MDH1: variants seen among roughly 807,000 people sequenced by gnomAD.
MDH1 encodes malate dehydrogenase 1.
MDH1 carries 15 observed loss-of-function variants against 38.7 expected under a neutral mutation model. The observed-to-expected ratio is 0.39, with a 90% CI of 0.26 to 0.60. The LOEUF (loss-of-function observed/expected upper bound fraction) is 0.60. MDH1 is among the 20% of genes least tolerant of loss of function. The probability of loss-of-function intolerance (pLI) is 0.56; values close to 1 mark genes in which losing one functional copy is unlikely to be tolerated. For synonymous variants in MDH1, 144 were observed against 143.6 expected (o/e 1.00, Z -0.02); for missense variants, 368 against 405.2 (o/e 0.91, Z 0.79).
Position 63,606,020 on chromosome 2 carries a change from G to A in MDH1, c.871G>A (p.Val291Ile). 6.2e-7 allele frequency: 1 copy of A among 1,613,518 alleles called. No individual in the cohort carries two copies. Among genetic ancestry groups the A allele is most frequent in the East Asian group, 2.2e-5 (1 of 44,878 alleles). The stretch of plus-strand genomic sequence containing the variant: ...TGATCTGCTCTACTCATTCCCTGTT[G>A]TAATCAAGGTAAGGTATTTTGGAGC... ...PDDLLYSFPV[V>I]IKNKTWKFVE... The change falls in exon 8 of 9, where the codon GTA becomes ATA. Residue 291 changes from valine to isoleucine, a missense_variant. By Grantham distance (29) the Val-to-Ile change is conservative (BLOSUM62 3). Coordinates refer to ENST00000233114, the MANE Select transcript of MDH1 (RefSeq NM_005917.4).
At chr2:63,599,391 T>G in intron 5 of MDH1, 99 bp downstream of exon 5, 1 of 1,290,796 alleles carries the variant, frequency 7.7e-7, no homozygotes, top group South Asian at 1.6e-5. Context: ...TTTTTTCTTG[T>G]TTTTGTTTAG....
intron 4 of MDH1, among the ~76,000 whole-genome samples, chr2:63,598,490 G>C (rs1709359560): frequency 6.6e-6 from 1 of 152,028 alleles, no homozygotes; most frequent in Non-Finnish European, 1.5e-5. Flanking sequence ...CAGCAAATAG[G>C]CTTGCCGGTT....
intron 5 of MDH1, 38 bp downstream of exon 5, chr2:63,599,330 C>G (rs373838241): frequency 6.3e-7 from 1 of 1,580,784 alleles, no homozygotes; most frequent in Non-Finnish European, 8.6e-7. Context: ...GGTTGTTCAA[C>G]TTTAAAACAT....
chr2:63,599,330 C>T (rs373838241), intron 5 of MDH1, 38 bp downstream of exon 5: 1 of 1,580,784 alleles, frequency 6.3e-7, no homozygotes, highest in Non-Finnish European at 8.6e-7. Context: ...GGTTGTTCAA[C>T]TTTAAAACAT....
At chr2:63,605,192 C>T (rs1027072930) in intron 6 of MDH1, 88 bp from the exon 7 acceptor site, 5 of 864,296 alleles carry the variant, frequency 5.8e-6, no homozygotes, top group Non-Finnish European at 9.4e-6. Flanking sequence ...CTGGTCATAG[C>T]TTTTCACCCC....
At chr2:63,606,134 C>T in intron 8 of MDH1, 106 bp downstream of exon 8, 1 of 1,109,782 alleles carries the variant, frequency 9.0e-7, no homozygotes. Context: ...ATAATCCCAA[C>T]ACTTTGGAAG....
intron 5 of MDH1, among the ~76,000 whole-genome samples, chr2:63,603,339 CAA>C (rs1709464780): frequency 6.6e-6 from 1 of 152,282 alleles, no homozygotes; most frequent in African/African-American, 2.4e-5. Flanking sequence ...CTTAAAATAT[CAA>C]AGTGTATTCC....
intron 1 of MDH1, chr2:63,593,433 C>T: frequency 5.1e-6 from 2 of 388,782 alleles, no homozygotes; most frequent in East Asian, 7.3e-5. Flanking sequence ...TCTTTGACTT[C>T]TATGAGTGAG....
chr2:63,594,597 G>A lies in MDH1; in HGVS notation c.102+11G>A, dbSNP rs376853222. ...TTTGGTAAAGATCAGGTAGGAACAG[G>A]TGTCTATAAATCTTAAGTTATTAGA... On this transcript the variant is annotated intron_variant, in intron 2 of 8. Coordinates refer to ENST00000233114, the MANE Select transcript of MDH1 (RefSeq NM_005917.4). 1,897 of 1,570,460 alleles carry A rather than the reference G, an allele frequency of 1.2e-3. 3 individuals are homozygous for A. Among genetic ancestry groups the A allele is most frequent in the Non-Finnish European group, 1.5e-3 (1,744 of 1,142,158 alleles).
At chr2:63,599,073 C>A in intron 4 of MDH1, 97 bp from the exon 5 acceptor site, 1 of 1,278,038 alleles carries the variant, frequency 7.8e-7, no homozygotes, top group Non-Finnish European at 1.1e-6. Context: ...CTCCCCTGTA[C>A]AAAGGCTACC....
Position 63,597,479 on chromosome 2 carries a change from GA to G in MDH1, c.282del (p.Gly95AlafsTer8). The G allele has an allele frequency of 6.6e-7, 1 of 1,520,276 alleles. No individual in the cohort carries two copies. The highest frequency in any genetic ancestry group is 8.9e-7 in the Non-Finnish European group (1 of 1,127,130). 94.2% of individuals were successfully genotyped at this position (1,520,276 alleles called of 1,614,324 possible). ...AILVGSMPRREGMERKDLLKA... is the reference protein window; with the variant it reads ...AILVGSMPRRXGMERKDLLKA... Reference sequence around the variant, plus strand: ...TCTTGTGGGCTCCATGCCAAGAAGGGAAGGCATGGAGAGAAAAGATTTACTG... The same window carrying G: ...TCTTGTGGGCTCCATGCCAAGAAGGGAGGCATGGAGAGAAAAGATTTACTG... On this transcript the variant is annotated frameshift_variant, in exon 4 of 9. Coordinates refer to ENST00000233114, the MANE Select transcript of MDH1 (RefSeq NM_005917.4). LOFTEE classifies it high-confidence loss of function.
chr2:63,598,963 T>G (rs911320440), intron 4 of MDH1, among the ~76,000 whole-genome samples: 2 of 151,564 alleles, frequency 1.3e-5, no homozygotes, highest in African/African-American at 2.4e-5. Flanking sequence ...TTTCTATAAA[T>G]CTGATATTAT....
In MDH1 at chr2:63,604,826, A is replaced by T; in HGVS notation, c.629A>T (p.Tyr210Phe). ...VKLQGKEVGV[Y>F]EALKDDSWLK... is the part of the protein sequence containing the mutation. ...TTGCAAGGAAAGGAAGTTGGTGTTT[A>T]TGAAGCTCTGAAAGATGACAGCTGG... The change falls in exon 6 of 9, where the codon TAT becomes TTT. Residue 210 changes from tyrosine to phenylalanine, a missense_variant. Coordinates refer to ENST00000233114, the MANE Select transcript of MDH1 (RefSeq NM_005917.4). 1 of 1,614,246 alleles carries T rather than the reference A, an allele frequency of 6.2e-7. No individual in the cohort carries two copies. The highest frequency in any genetic ancestry group is 8.5e-7 in the Non-Finnish European group (1 of 1,180,046).
chr2:63,599,354 T>G (rs1338486021), intron 5 of MDH1, 62 bp downstream of exon 5: 25 of 1,521,668 alleles, frequency 1.6e-5, no homozygotes, highest in Non-Finnish European at 2.2e-5. Context: ...TCTCTCACTT[T>G]TAAAATAACT....
chr2:63,589,190 G>T, intron 1 of MDH1, 144 bp downstream of exon 1: 1 of 1,600,856 alleles, frequency 6.2e-7, no homozygotes, highest in Admixed American at 1.7e-5. Flanking sequence ...ATCTTCTGGG[G>T]ATTGCCGCAG....
chr2:63,592,084 G>A lies in MDH1; in HGVS notation c.4-2404G>A, dbSNP rs569995975. On this transcript the variant is annotated intron_variant, in intron 1 of 8. Transcript: ENST00000233114. ...CTCTAGCCCCCTGTTTTAGAAAATT[G>A]GTGTATCCTTTTTGTTTCCTTCACG... Among the ~76,000 whole-genome samples, 17 of 152,158 alleles carry A rather than the reference G, an allele frequency of 1.1e-4. No individual in the cohort carries two copies. In the East Asian group the frequency reaches 3.3e-3, roughly 29 times the overall value.
At chr2:63,598,896 C>CAA (rs1333463606) in intron 4 of MDH1, among the ~76,000 whole-genome samples, 60 of 72,240 alleles carry the variant, frequency 8.3e-4, no homozygotes, top group African/African-American at 2.7e-3. Flanking sequence ...AAAGAGGTAC[C>CAA]AAAAAAAAAA....
In MDH1 at chr2:63,605,021, G is replaced by T. The variant is rs923024594; in HGVS notation, c.675+149G>T. 1.8e-5 allele frequency: 14 copies of T among 768,194 alleles called. 1 individual carries two copies. Among genetic ancestry groups the T allele is most frequent in the Non-Finnish European group, 2.9e-5 (14 of 484,410 alleles). The allele number at this position is 768,194 out of a possible 1,614,324, so 47.6% of individuals were successfully genotyped here. The stretch of plus-strand genomic sequence containing the variant: ...ATCATAGTAAGCCAGTCATGATCTA[G>T]TGTGATCTGATGTGACAGCAGTTGA... On this transcript the variant is annotated intron_variant, in intron 6 of 8. Coordinates refer to ENST00000233114, the MANE Select transcript of MDH1 (RefSeq NM_005917.4).
chr2:63,603,109 G>A (rs1016671456), intron 5 of MDH1, among the ~76,000 whole-genome samples: 6 of 152,002 alleles, frequency 3.9e-5, no homozygotes, highest in African/African-American at 1.2e-4. Context: ...ACAGGCACAC[G>A]CTGCCACACC....
Sources: gnomAD v4.1 joint callset for allele counts (sites outside exome capture counted in the v4.1 genomes callset) on GRCh38, gnomAD v4.1.1 for gene constraint, MANE v1.5 for transcripts, NCBI Gene and HGNC (gene_info 2026-07-23, HGNC 2026-07-21) for gene names.